PDE7B: variants seen among roughly 807,000 people sequenced by gnomAD.
PDE7B encodes the protein 3',5'-cyclic-AMP phosphodiesterase 7B.
PDE7B carries 29 observed loss-of-function variants against 56.2 expected under a neutral mutation model. The ratio of observed to expected loss-of-function variants is 0.52; its 90% CI spans 0.38 to 0.70. The LOEUF (loss-of-function observed/expected upper bound fraction) is 0.70, where lower values mean the gene tolerates loss of function less well. Ranked by LOEUF, PDE7B falls within the 30% of genes least tolerant of loss-of-function variation. PDE7B has a pLI of 0.00. For missense variants in PDE7B, 490 were observed against 565.0 expected (o/e 0.87, Z 1.35); for synonymous variants, 197 against 196.9 (o/e 1.00, Z 0.00).
At chr6:136,175,451 T>A (rs2128450495) in intron 9 of PDE7B, among the ~76,000 whole-genome samples, 1 of 152,290 alleles carries the variant, frequency 6.6e-6, no homozygotes, top group South Asian at 2.1e-4. Flanking sequence ...CACTTTCATA[T>A]GTTTCAGCTT....
chr6:136,069,675 T>C (rs1259116599), intron 2 of PDE7B, among the ~76,000 whole-genome samples: 2 of 152,238 alleles, frequency 1.3e-5, no homozygotes, highest in Non-Finnish European at 2.9e-5. Context: ...CACTTAGTTC[T>C]ATAATATACA....
intron 3 of PDE7B, among the ~76,000 whole-genome samples, chr6:136,117,379 G>A (rs1319963116): frequency 5.9e-5 from 9 of 151,958 alleles, no homozygotes; most frequent in Middle Eastern, 3.2e-3. Flanking sequence ...CACCTTCAAC[G>A]TTTCAGAATA....
chr6:135,870,746 G>A (rs1583721381), intron 1 of PDE7B, among the ~76,000 whole-genome samples: 1 of 151,880 alleles, frequency 6.6e-6, no homozygotes, highest in Non-Finnish European at 1.5e-5. Flanking sequence ...CTGGAATTCA[G>A]AAGAGAGATG....
At chr6:136,038,264 A>G (rs917886079) in intron 2 of PDE7B, 2 of 1,298,662 alleles carry the variant, frequency 1.5e-6, no homozygotes, top group African/African-American at 3.0e-5. Flanking sequence ...CACCACCACT[A>G]CCTCCTCTTC....
At chr6:136,139,472 T>C (rs1052024615) in intron 3 of PDE7B, among the ~76,000 whole-genome samples, 6 of 152,226 alleles carry the variant, frequency 3.9e-5, no homozygotes, top group Admixed American at 2.6e-4. Context: ...TATAATCCTT[T>C]GGGTATATAC....
At chr6:135,966,172 A>C (rs1287309934) in intron 2 of PDE7B, among the ~76,000 whole-genome samples, 1 of 152,182 alleles carries the variant, frequency 6.6e-6, no homozygotes, top group Non-Finnish European at 1.5e-5. Flanking sequence ...TAGGACTTAG[A>C]AAGGAAAAGT....
chr6:136,084,271 A>C (rs1461589638), intron 2 of PDE7B, among the ~76,000 whole-genome samples: 1 of 152,232 alleles, frequency 6.6e-6, no homozygotes, highest in Non-Finnish European at 1.5e-5. Flanking sequence ...TTTCCCTGAC[A>C]CAGGATGGCC....
chr6:136,006,027 A>T, intron 2 of PDE7B, among the ~76,000 whole-genome samples: 1 of 151,744 alleles, frequency 6.6e-6, no homozygotes, highest in African/African-American at 2.4e-5. Context: ...ATGCAGCCAT[A>T]AAAAATGATG....
At chr6:136,113,188 G>T (rs114552156) in intron 3 of PDE7B, among the ~76,000 whole-genome samples, 3 of 152,164 alleles carry the variant, frequency 2.0e-5, no homozygotes, top group African/African-American at 7.2e-5. Flanking sequence ...GTGAGGTAAT[G>T]CATAAGTTAT....
At chr6:136,164,506 A>AT (rs1285013723) in intron 8 of PDE7B, among the ~76,000 whole-genome samples, 1 of 152,226 alleles carries the variant, frequency 6.6e-6, no homozygotes, top group East Asian at 1.9e-4. Flanking sequence ...CATCCATCTC[A>AT]TAAACAGACA....
At chr6:135,985,446 A>G (rs532153360) in intron 2 of PDE7B, among the ~76,000 whole-genome samples, 23 of 152,314 alleles carry the variant, frequency 1.5e-4, no homozygotes, top group African/African-American at 5.3e-4. Context: ...GAGTAGAATA[A>G]TGAAAATGAG....
At chr6:136,086,830 T>C (rs1218597535) in intron 2 of PDE7B, among the ~76,000 whole-genome samples, 6 of 152,184 alleles carry the variant, frequency 3.9e-5, no homozygotes, top group Non-Finnish European at 8.8e-5. Flanking sequence ...AGTAAAGCAG[T>C]GTGTGTACGG....
intron 1 of PDE7B, among the ~76,000 whole-genome samples, chr6:135,903,167 A>T (rs1776035961): frequency 6.6e-6 from 1 of 152,198 alleles, no homozygotes; most frequent in Non-Finnish European, 1.5e-5. Flanking sequence ...AAGATAAGGG[A>T]GGGAATTCAG....
chr6:136,131,319 AG>A (rs1017051417), intron 3 of PDE7B, among the ~76,000 whole-genome samples: 5 of 152,060 alleles, frequency 3.3e-5, no homozygotes, highest in African/African-American at 1.2e-4. Context: ...AGGGAAGGTA[AG>A]AAGAAAACAA....
intron 4 of PDE7B, among the ~76,000 whole-genome samples, chr6:136,148,366 A>C (rs144675863): frequency 5.8e-4 from 86 of 149,422 alleles, no homozygotes; most frequent in East Asian, 4.6e-3. Flanking sequence ...AAAAAGAAAG[A>C]AGGAAAGAAA....
chr6:136,037,080 A>G lies in PDE7B; in HGVS notation c.83-71651A>G, dbSNP rs79069205. Among the ~76,000 whole-genome samples the G allele has an allele frequency of 9.4e-3, 1,434 of 152,354 alleles. 19 individuals carry two copies. Among genetic ancestry groups the G allele is most frequent in the African/African-American group, 0.033 (1,355 of 41,584 alleles). ...TGTTGCCCTCGATTCAACCACTCTC[A>G]GGTCGGGGACACAGTAGTCAGTGGC... On this transcript the variant is annotated intron_variant, in intron 2 of 12. Coordinates refer to ENST00000308191, the MANE Select transcript of PDE7B (RefSeq NM_018945.4).
At chr6:135,874,883 A>T (rs1013076973) in intron 1 of PDE7B, among the ~76,000 whole-genome samples, 2 of 152,138 alleles carry the variant, frequency 1.3e-5, no homozygotes, top group African/African-American at 2.4e-5. Context: ...TCTCCTTGTA[A>T]TTCTGTCAAT....
intron 1 of PDE7B, among the ~76,000 whole-genome samples, chr6:135,928,896 C>A (rs1042206808): frequency 1.3e-5 from 2 of 152,044 alleles, no homozygotes; most frequent in African/African-American, 4.8e-5. Context: ...CATTAGTACA[C>A]CAAACCTCAG....
intron 2 of PDE7B, among the ~76,000 whole-genome samples, chr6:136,040,729 TCTC>T (rs1325864575): frequency 5.3e-5 from 8 of 152,092 alleles, no homozygotes; most frequent in African/African-American, 1.7e-4. Flanking sequence ...CTTGCCTCAG[TCTC>T]CTCAATTTAT....
Sources: gnomAD v4.1 joint callset for allele counts (sites outside exome capture counted in the v4.1 genomes callset) on GRCh38, gnomAD v4.1.1 for gene constraint, MANE v1.5 for transcripts, NCBI Gene and HGNC (gene_info 2026-07-23, HGNC 2026-07-21) for gene names.